The following BANP variants were observed in gnomAD, a reference collection of about 807,000 sequenced individuals.
BANP encodes the protein protein BANP.
A neutral mutation model predicts 68.1 loss-of-function variants in BANP; 11 were observed. That is an observed-to-expected ratio of 0.16 (90% CI 0.10 to 0.27). The LOEUF (loss-of-function observed/expected upper bound fraction) is 0.27, where lower values mean the gene tolerates loss of function less well. Ranked by LOEUF, BANP falls within the 10% of genes least tolerant of loss-of-function variation. The pLI is 1.00. For synonymous variants in BANP, 329 were observed against 303.2 expected (o/e 1.09, Z -0.88); for missense variants, 504 against 722.7 (o/e 0.70, Z 3.47).
chr16:87,956,499 G>C (rs1402486241), intron 1 of BANP: 2 of 152,304 alleles, frequency 1.3e-5, no homozygotes, highest in African/African-American at 4.8e-5. Flanking sequence ...GTTTCAGGAA[G>C]TTGAAAACAG....
At chr16:87,991,863 C>T (rs994515698) in intron 4 of BANP, among the ~76,000 whole-genome samples, 3 of 152,098 alleles carry the variant, frequency 2.0e-5, no homozygotes, top group East Asian at 1.9e-4. Flanking sequence ...TCTATACCTT[C>T]TCTTACTTTA....
intron 13 of BANP, among the ~76,000 whole-genome samples, chr16:88,075,319 C>T (rs1440047239): frequency 6.6e-6 from 1 of 152,182 alleles, no homozygotes; most frequent in African/African-American, 2.4e-5. Context: ...GTGCTCCAGC[C>T]TAGGTGACAG....
chr16:88,076,472 C>T lies in BANP; in HGVS notation c.1522-118C>T, dbSNP rs371074655. 79 of 839,882 alleles carry T rather than the reference C, an allele frequency of 9.4e-5. No homozygotes were observed. In the African/African-American group the frequency reaches 1.1e-3, roughly 11 times the overall value. 52.0% of individuals were successfully genotyped at this position (839,882 alleles called of 1,614,324 possible). The stretch of plus-strand genomic sequence containing the variant: ...AGCCTTGGGGCCGTCAGGGCTCCTT[C>T]GCGCTCCTGTGTGCGTGTTTCTCAT... On this transcript the variant is annotated intron_variant, in intron 13 of 13. Coordinates refer to ENST00000682872, the MANE Select transcript of BANP (RefSeq NM_001386991.1).
At position 88,076,789 on chromosome 16, in the gene BANP, C is replaced by G; in HGVS notation, c.*128C>G. 5.4e-6 allele frequency: 4 copies of G among 741,332 alleles called. No homozygotes were observed. The highest frequency in any genetic ancestry group is 8.5e-6 in the Non-Finnish European group (4 of 469,466). 45.9% of individuals were successfully genotyped at this position (741,332 alleles called of 1,614,324 possible). ...TCTGCTGAAGTGCGTCTGAAGGCCGCTGCCTCCGCGGGGAACAGCATCCTA... is the reference window on the plus strand; with the variant it reads ...TCTGCTGAAGTGCGTCTGAAGGCCGGTGCCTCCGCGGGGAACAGCATCCTA... On this transcript the variant is annotated 3_prime_UTR_variant, in exon 14 of 14. Transcript: ENST00000682872.
intron 11 of BANP, among the ~76,000 whole-genome samples, chr16:88,038,456 A>C (rs905784350): frequency 6.9e-4 from 105 of 152,136 alleles, no homozygotes; most frequent in African/African-American, 2.5e-3. Context: ...TATGGCGGAA[A>C]CGTGCCCTCC....
intron 1 of BANP, among the ~76,000 whole-genome samples, chr16:87,960,417 G>C (rs1223259932): frequency 6.6e-6 from 1 of 152,188 alleles, no homozygotes; most frequent in East Asian, 1.9e-4. Context: ...AGGATTTGGT[G>C]GTAGCAGGTG....
intron 4 of BANP, among the ~76,000 whole-genome samples, chr16:87,985,184 G>T (rs9926992): frequency 0.14 from 20,938 of 152,184 alleles, 1,576 homozygotes; most frequent in South Asian, 0.28. Flanking sequence ...AAGTCTGGGG[G>T]CAGCTCCACA....
intron 8 of BANP, 132 bp from the exon 9 acceptor site, chr16:88,032,977 C>T (rs547127381): frequency 1.4e-4 from 145 of 1,067,166 alleles, no homozygotes; most frequent in Non-Finnish European, 1.8e-4. Context: ...TGCAGTGAGT[C>T]GAGGAAAAAT....
chr16:88,074,604 C>G (rs1227117152), intron 13 of BANP, among the ~76,000 whole-genome samples: 1 of 152,132 alleles, frequency 6.6e-6, no homozygotes, highest in African/African-American at 2.4e-5. Flanking sequence ...CCAGCCCAGA[C>G]CTGTGCCCCA....
At chr16:87,969,183 A>G (rs1383207115) in intron 1 of BANP, among the ~76,000 whole-genome samples, 2 of 152,172 alleles carry the variant, frequency 1.3e-5, no homozygotes, top group African/African-American at 2.4e-5. Flanking sequence ...TAGCTATGCA[A>G]TGCTGACATC....
chr16:88,029,376 A>G lies in BANP; in HGVS notation c.1063+1726A>G, dbSNP rs533933358. Among the ~76,000 whole-genome samples, 708 of 151,246 alleles carry G rather than the reference A, an allele frequency of 4.7e-3. 1 individual carries two copies. Among genetic ancestry groups the G allele is most frequent in the Middle Eastern group, 0.01 (3 of 288 alleles). On this transcript the variant is annotated intron_variant, in intron 8 of 13. Transcript: ENST00000682872. ...TGTAATCCCAGCACTTTGGGAGGCC[A>G]AGGCGGGCAGATCATGAGGTCAGGA...
At chr16:88,005,771 T>C (rs1411543849) in intron 5 of BANP, among the ~76,000 whole-genome samples, 4 of 152,266 alleles carry the variant, frequency 2.6e-5, no homozygotes, top group Non-Finnish European at 5.9e-5. Context: ...AAAAGACTCT[T>C]ACCAGCATTT....
At chr16:87,995,317 C>G (rs575838146) in intron 4 of BANP, among the ~76,000 whole-genome samples, 1 of 152,310 alleles carries the variant, frequency 6.6e-6, no homozygotes, top group East Asian at 1.9e-4. Context: ...AGCAGCTCCT[C>G]TTTTTGTAAG....
At position 88,064,524 on chromosome 16, in the gene BANP, G is replaced by C. The variant is rs566037208; in HGVS notation, c.1312-743G>C. ...GACAGATGCTCCCAGGATGCGGCTAGGCGTCCAGGCCAGCATCGGGTTGGC... is the reference window on the plus strand; with the variant it reads ...GACAGATGCTCCCAGGATGCGGCTACGCGTCCAGGCCAGCATCGGGTTGGC... On this transcript the variant is annotated intron_variant, in intron 11 of 13. Coordinates refer to ENST00000682872, the MANE Select transcript of BANP (RefSeq NM_001386991.1). The surrounding 1 kb of genome is among the most constrained non-coding windows in gnomAD (Gnocchi z 4.5). Among the ~76,000 whole-genome samples, 1 of 152,394 alleles carries C rather than the reference G, an allele frequency of 6.6e-6. No homozygotes were observed. The highest frequency in any genetic ancestry group is 2.1e-4 in the South Asian group (1 of 4,832).
At chr16:87,968,905 C>T (rs754338454) in intron 1 of BANP, among the ~76,000 whole-genome samples, 8 of 152,020 alleles carry the variant, frequency 5.3e-5, no homozygotes, top group Non-Finnish European at 1.0e-4. Flanking sequence ...GATAAATGCA[C>T]AGGATAAAAA....
rs535675052 is a variant in BANP, at chr16:88,031,418, C to T, written c.1064-1691C>T. Among the ~76,000 whole-genome samples, 52 of 152,032 alleles carry T rather than the reference C, an allele frequency of 3.4e-4. 1 individual carries two copies. The East Asian group carries it at 8.5e-3, about 25-fold the overall frequency. Reference sequence around the variant, plus strand: ...CAGCATTTTGGGAGGCTGAGGCAGGCGGATCATTTGAGGTCAGGAGTTCAA... The same window carrying T: ...CAGCATTTTGGGAGGCTGAGGCAGGTGGATCATTTGAGGTCAGGAGTTCAA... On this transcript the variant is annotated intron_variant, in intron 8 of 13. Transcript: ENST00000682872.
intron 11 of BANP, among the ~76,000 whole-genome samples, chr16:88,054,560 C>T (rs2084480756): frequency 6.6e-6 from 1 of 152,208 alleles, no homozygotes; most frequent in Non-Finnish European, 1.5e-5. Flanking sequence ...CCACCCCCAC[C>T]ACTCCCAGTG....
At chr16:87,991,292 T>A (rs1039046145) in intron 4 of BANP, among the ~76,000 whole-genome samples, 14 of 152,266 alleles carry the variant, frequency 9.2e-5, no homozygotes, top group African/African-American at 3.4e-4. Context: ...ACAGTTTACA[T>A]ACATACAACT....
chr16:87,984,334 A>G (rs2063863721), intron 4 of BANP, 75 bp downstream of exon 4: 5 of 1,352,202 alleles, frequency 3.7e-6, no homozygotes, highest in Non-Finnish European at 5.0e-6. Context: ...CCAGGCCCGC[A>G]GCTTAGTGGC....
Sources: allele counts gnomAD v4.1 joint callset (sites outside exome capture counted in the v4.1 genomes callset), GRCh38; gene constraint gnomAD v4.1.1; non-coding constraint Gnocchi (gnomAD v3.1); transcripts MANE v1.5; gene names NCBI Gene and HGNC (gene_info 2026-07-23, HGNC 2026-07-21).